The following MKLN1 variants were observed in gnomAD, a reference collection of about 807,000 sequenced individuals.
The protein encoded by MKLN1 is muskelin 1.
Under a neutral mutation model 99.0 loss-of-function variants are expected in MKLN1, and 18 were observed. The ratio of observed to expected loss-of-function variants is 0.18; its 90% confidence interval spans 0.13 to 0.27. MKLN1 has a LOEUF of 0.27. Ranked by LOEUF, MKLN1 falls within the 10% of genes least tolerant of loss-of-function variation. The pLI is 1.00. For missense variants in MKLN1, 621 were observed against 875.9 expected (o/e 0.71, Z 3.67); for synonymous variants, 288 against 293.2 (o/e 0.98, Z 0.18).
At chr7:131,419,246 A>ATATT (rs1554571573) in intron 8 of MKLN1, among the ~76,000 whole-genome samples, 2 of 107,304 alleles carry the variant, frequency 1.9e-5, no homozygotes, top group Admixed American at 9.4e-5. Flanking sequence ...ATATATATAT[A>ATATT]TTTTTGTTTT....
At chr7:131,325,906 G>A (rs543718307), upstream of MKLN1, among the ~76,000 whole-genome samples, 1 of 149,196 alleles carries the variant, frequency 6.7e-6, no homozygotes, top group African/African-American at 2.5e-5. Context: ...AAAGTGGGGG[G>A]GGGGTGGTGG....
intron 3 of MKLN1, among the ~76,000 whole-genome samples, chr7:131,271,360 T>C (rs1034716283): frequency 6.6e-6 from 1 of 152,184 alleles, no homozygotes; most frequent in Non-Finnish European, 1.5e-5. Flanking sequence ...GGCTCATGCC[T>C]GTAATCCCAG....
intron 2 of MKLN1, among the ~76,000 whole-genome samples, chr7:131,192,078 C>T (rs1205226755): frequency 2.4e-5 from 2 of 84,092 alleles, no homozygotes; most frequent in African/African-American, 5.4e-5. Flanking sequence ...TATATATATA[C>T]ATATATATTA....
intron 12 of MKLN1, among the ~76,000 whole-genome samples, chr7:131,450,051 G>A (rs1167858409): frequency 1.3e-5 from 2 of 152,098 alleles, no homozygotes; most frequent in Non-Finnish European, 2.9e-5. Flanking sequence ...TTAACATCAA[G>A]TCATGCCAAT....
chr7:131,185,477 C>G (rs1182328355), intron 2 of MKLN1, among the ~76,000 whole-genome samples: 1 of 151,584 alleles, frequency 6.6e-6, no homozygotes, highest in African/African-American at 2.4e-5. Context: ...ATCCCAGCTA[C>G]TCGGGAGGCT....
intron 3 of MKLN1, among the ~76,000 whole-genome samples, chr7:131,252,114 T>A (rs1248899302): frequency 6.6e-6 from 1 of 151,980 alleles, no homozygotes; most frequent in Non-Finnish European, 1.5e-5. Flanking sequence ...TTTCACAAAT[T>A]ATATATAGGC....
chr7:131,375,567 C>A, intron 2 of MKLN1, 74 bp downstream of exon 2: 1 of 842,812 alleles, frequency 1.2e-6, no homozygotes, highest in East Asian at 2.5e-5. Context: ...TACTAGTTAT[C>A]TGGAATCTAC....
chr7:131,135,571 C>T (rs1036197370), intron 1 of MKLN1, among the ~76,000 whole-genome samples: 1 of 152,072 alleles, frequency 6.6e-6, no homozygotes, highest in Non-Finnish European at 1.5e-5. Flanking sequence ...AAAGAGACTG[C>T]GAGGGAACAA....
chr7:131,260,065 A>G (rs1797710895), intron 3 of MKLN1, among the ~76,000 whole-genome samples: 1 of 151,770 alleles, frequency 6.6e-6, no homozygotes, highest in Non-Finnish European at 1.5e-5. Context: ...TTTTTTTAAG[A>G]GACGGGGTCT....
At chr7:131,155,125 A>T (rs2116296404) in intron 2 of MKLN1, among the ~76,000 whole-genome samples, 1 of 152,318 alleles carries the variant, frequency 6.6e-6, no homozygotes, top group East Asian at 1.9e-4. Context: ...CTGCTGTAAC[A>T]TTTTCATATT....
chr7:131,112,149 T>TC (rs1795211581), intron 1 of MKLN1, among the ~76,000 whole-genome samples: 1 of 152,358 alleles, frequency 6.6e-6, no homozygotes, highest in East Asian at 1.9e-4. Flanking sequence ...TGAAGCCCTT[T>TC]GAAAAAGATG....
intron 1 of MKLN1, among the ~76,000 whole-genome samples, chr7:131,359,419 C>G (rs1799965825): frequency 6.6e-6 from 1 of 152,084 alleles, no homozygotes; most frequent in Non-Finnish European, 1.5e-5. Flanking sequence ...TATCATCTTC[C>G]TTGGTGAATA....
chr7:131,267,452 C>A lies in MKLN1; in HGVS notation c.-179+64478C>A, dbSNP rs116366655. Among the ~76,000 whole-genome samples the A allele has an allele frequency of 4.6e-3, 705 of 152,318 alleles. 8 individuals carry two copies. Among genetic ancestry groups the A allele is most frequent in the African/African-American group, 0.016 (678 of 41,560 alleles). ...CCAAGTTCTTCTCTCTCTGTAAACA[C>A]CCCCAGGATAGGAAGATAAGGTTGT... On this transcript the variant is annotated intron_variant, in intron 3 of 7. Transcript: ENST00000416992.
At chr7:131,321,334 C>T (rs2116662051) in intron 3 of MKLN1, among the ~76,000 whole-genome samples, 1 of 152,228 alleles carries the variant, frequency 6.6e-6, no homozygotes, top group South Asian at 2.1e-4. Flanking sequence ...GAACAGAAAA[C>T]CAAACACCAC....
chr7:131,234,848 T>C (rs780842944), intron 3 of MKLN1, among the ~76,000 whole-genome samples: 20 of 152,206 alleles, frequency 1.3e-4, no homozygotes, highest in Non-Finnish European at 2.5e-4. Context: ...GACAACTTTC[T>C]CTGCTTGTCT....
intron 3 of MKLN1, among the ~76,000 whole-genome samples, chr7:131,321,703 A>C (rs551408488): frequency 4.6e-5 from 7 of 152,320 alleles, no homozygotes; most frequent in Non-Finnish European, 8.8e-5. Context: ...AAACAAAGGT[A>C]CCCTTCCAAA....
chr7:131,204,882 C>A (rs964794009), intron 3 of MKLN1, among the ~76,000 whole-genome samples: 1 of 149,980 alleles, frequency 6.7e-6, no homozygotes, highest in Non-Finnish European at 1.5e-5. Context: ...GGCAGTGAGC[C>A]GAGATCACGC....
chr7:131,491,107 C>T lies in MKLN1; in HGVS notation c.*3379C>T, dbSNP rs1797411265. 6.6e-6 allele frequency: 1 copy of T among 152,022 alleles called. No individual in the cohort carries two copies. Among genetic ancestry groups the T allele is most frequent in the Non-Finnish European group, 1.5e-5 (1 of 68,004 alleles). 9.4% of individuals were successfully genotyped at this position (152,022 alleles called of 1,614,324 possible). A position where few individuals can be genotyped will look rare whatever the true frequency, so the allele number is the denominator to read the frequency against. Reference sequence around the variant, plus strand: ...TGGGTCATTTATTTCCTGAAAGTCACGTGAAATCCTTAGCTGGTTGAATGT... The same window carrying T: ...TGGGTCATTTATTTCCTGAAAGTCATGTGAAATCCTTAGCTGGTTGAATGT... On this transcript the variant is annotated 3_prime_UTR_variant, in exon 18 of 18. Coordinates refer to ENST00000352689, the MANE Select transcript of MKLN1 (RefSeq NM_013255.5).
chr7:131,346,403 T>G (rs1799562518), intron 1 of MKLN1, among the ~76,000 whole-genome samples: 1 of 151,752 alleles, frequency 6.6e-6, no homozygotes, highest in South Asian at 2.1e-4. Flanking sequence ...ACACCTGTAA[T>G]CCCAGCTAGT....
Sources: gnomAD v4.1 joint callset for allele counts (sites outside exome capture counted in the v4.1 genomes callset) on GRCh38, gnomAD v4.1.1 for gene constraint, MANE v1.5 for transcripts, NCBI Gene and HGNC (gene_info 2026-07-23, HGNC 2026-07-21) for gene names.